USPL1: variants seen among roughly 807,000 people sequenced by gnomAD.
USPL1 encodes SUMO-specific isopeptidase USPL1.
A neutral mutation model predicts 51.5 loss-of-function variants in USPL1; 27 were observed. That is an observed-to-expected ratio of 0.52 (90% CI 0.39 to 0.72). The LOEUF is 0.72. Ranked by LOEUF, USPL1 falls within the 30% of genes least tolerant of loss-of-function variation. The probability of loss-of-function intolerance (pLI) is 0.00; values close to 1 mark genes in which losing one functional copy is unlikely to be tolerated. For synonymous variants in USPL1, 451 were observed against 459.6 expected, an observed-to-expected ratio of 0.98 and a Z score of 0.24; for missense variants, 1,226 against 1,268.0, an observed-to-expected ratio of 0.97 and a Z score of 0.50.
chr13:30,642,552 G>T, intron 5 of USPL1, 76 bp from the exon 6 acceptor site: 1 of 1,539,024 alleles, frequency 6.5e-7, no homozygotes, highest in Non-Finnish European at 8.8e-7. Context: ...AGTAAGAAAA[G>T]ACAATAGTTC....
At chr13:30,644,684 T>C (rs1443433063) in intron 6 of USPL1, among the ~76,000 whole-genome samples, 2 of 152,192 alleles carry the variant, frequency 1.3e-5, no homozygotes, top group African/African-American at 4.8e-5. Flanking sequence ...AGTTTCATCG[T>C]GTTAAAAGCC....
At chr13:30,651,092 GCTCTGTTCTGCATCAT>G (rs1383834421) in intron 7 of USPL1, among the ~76,000 whole-genome samples, 2 of 152,052 alleles carry the variant, frequency 1.3e-5, no homozygotes, top group Non-Finnish European at 2.9e-5. Context: ...CTGCATTATG[GCTCTGTTCTGCATCAT>G]CTCTGTTCTG....
At chr13:30,632,451 T>C (rs1214333730) in intron 4 of USPL1, among the ~76,000 whole-genome samples, 1 of 148,440 alleles carries the variant, frequency 6.7e-6, no homozygotes, top group Admixed American at 6.8e-5. Context: ...CCTCACTCTG[T>C]TGCCCAGGCT....
rs565515146 is a variant in USPL1, at chr13:30,636,367, G to A, written c.869-1377G>A. Among the ~76,000 whole-genome samples, 3 of 151,506 alleles carry A rather than the reference G, an allele frequency of 2.0e-5. No homozygotes were observed. The South Asian group carries it at 6.2e-4, about 31-fold the overall frequency. ...AATGTAAGTTTTTTTTTTTGGCATGGTCAAATAACAAAAATTCTGGTTAAT... is the reference window on the plus strand; with the variant it reads ...AATGTAAGTTTTTTTTTTTGGCATGATCAAATAACAAAAATTCTGGTTAAT... On this transcript the variant is annotated intron_variant, in intron 4 of 8. Transcript: ENST00000255304.
At position 30,657,603 on chromosome 13, in the gene USPL1, C is replaced by T; in HGVS notation, c.1526C>T (p.Ala509Val). 7 of 1,614,196 alleles carry T rather than the reference C, an allele frequency of 4.3e-6. No homozygotes were observed. The highest frequency in any genetic ancestry group is 5.9e-6 in the Non-Finnish European group (7 of 1,180,026). ...RKISQVTDKE[A>V]ACLPLKKTND... ...ATATCCCAAGTGACAGATAAAGAAGCTGCCTGCCTTCCACTTAAAAAGACT... is the reference window on the plus strand; with the variant it reads ...ATATCCCAAGTGACAGATAAAGAAGTTGCCTGCCTTCCACTTAAAAAGACT... Residue 509 changes from alanine (A) to valine (V), a missense_variant, in exon 9 of 9, where the codon GCT becomes GTT. Transcript: ENST00000255304.
chr13:30,629,812 A>G (rs985895300), intron 3 of USPL1, among the ~76,000 whole-genome samples: 3 of 152,156 alleles, frequency 2.0e-5, no homozygotes, highest in Admixed American at 6.5e-5. Context: ...ATGTTCCATC[A>G]AAGCTAGTCA....
In USPL1 at chr13:30,630,820, A is replaced by C. The variant is rs755313544; in HGVS notation, c.229-15A>C. On this transcript the variant is annotated splice_polypyrimidine_tract_variant and intron_variant, in intron 3 of 8. Transcript: ENST00000255304. ...GAATTTGTGTAGTTTTTATCATTTT[A>C]TTTTTACTTTCCAGTGCATCTATCC... 2 of 1,558,720 alleles carry C rather than the reference A, an allele frequency of 1.3e-6. No homozygotes were observed. The highest frequency in any genetic ancestry group is 1.7e-6 in the Non-Finnish European group (2 of 1,156,498).
Position 30,647,204 on chromosome 13 carries a change from C to T in USPL1, c.1238+147C>T, listed in dbSNP as rs1272935233. 30 of 941,564 alleles carry T rather than the reference C, an allele frequency of 3.2e-5. No homozygotes were observed. In the Admixed American group the frequency reaches 6.6e-4, roughly 21 times the overall value. 58.3% of individuals were successfully genotyped at this position (941,564 alleles called of 1,614,324 possible). ...TTTCTGGGTTGCCAGCTGCCTCGCT[C>T]TATCTGGCCAGTGAGCCCACTGTCA... On this transcript the variant is annotated intron_variant, in intron 7 of 8. Transcript: ENST00000255304.
rs181490675 is a variant in USPL1 at position 30,653,267 on chromosome 13, C to G, written c.1358C>G (p.Ala453Gly). 3 of 1,607,998 alleles carry G rather than the reference C, an allele frequency of 1.9e-6. No homozygotes were observed. The highest frequency in any genetic ancestry group is 2.6e-6 in the Non-Finnish European group (3 of 1,175,934). Residue 453 changes from alanine to glycine, a missense_variant, in exon 8 of 9, where the codon GCA becomes GGA. Coordinates refer to ENST00000255304, the MANE Select transcript of USPL1 (RefSeq NM_005800.5). ...YQITSVIQYR[A>G]NNHFITWILD... Reference sequence around the variant, plus strand: ...ATAACTTCTGTAATTCAGTATCGAGCAAATAATCATTTTATAACATGGATT... The same window carrying G: ...ATAACTTCTGTAATTCAGTATCGAGGAAATAATCATTTTATAACATGGATT...
intron 8 of USPL1, among the ~76,000 whole-genome samples, chr13:30,656,256 T>C (rs1020266743): frequency 9.9e-5 from 15 of 152,224 alleles, no homozygotes; most frequent in Admixed American, 9.8e-4. Flanking sequence ...ATTTTAACAT[T>C]TGTAAGTGTA....
At chr13:30,650,669 A>G (rs573243207) in intron 7 of USPL1, among the ~76,000 whole-genome samples, 1 of 151,584 alleles carries the variant, frequency 6.6e-6, no homozygotes, top group East Asian at 2.0e-4. Flanking sequence ...AACAAATGGG[A>G]AAAAATTTGG....
chr13:30,633,775 ACT>A (rs1950838541), intron 4 of USPL1, among the ~76,000 whole-genome samples: 2 of 132,976 alleles, frequency 1.5e-5, no homozygotes, highest in African/African-American at 2.9e-5. Context: ...ATAGAATGAG[ACT>A]CTGTCTCAAA....
In USPL1 at chr13:30,642,541, T is replaced by C; in HGVS notation, c.983-87T>C. The C allele has an allele frequency of 2.7e-6, 4 of 1,488,404 alleles. No homozygotes were observed. In the South Asian group the frequency reaches 3.9e-5, roughly 14 times the overall value. The allele number at this position is 1,488,404 out of a possible 1,614,324, so 92.2% of individuals were successfully genotyped here. A position where few individuals can be genotyped will look rare whatever the true frequency, so the allele number is the denominator to read the frequency against. On this transcript the variant is annotated intron_variant, in intron 5 of 8. Transcript: ENST00000255304. ...TTAACACATATTCATGCTGTAAATA[T>C]AGTAAGAAAAGACAATAGTTCACAA...
intron 4 of USPL1, among the ~76,000 whole-genome samples, chr13:30,636,639 A>G (rs528234435): frequency 1.3e-5 from 2 of 152,388 alleles, no homozygotes; most frequent in East Asian, 3.8e-4. Flanking sequence ...AGAAGTGATC[A>G]AAAACATAGA....
At chr13:30,653,370 C>A in intron 8 of USPL1, 65 bp downstream of exon 8, 2 of 1,434,562 alleles carry the variant, frequency 1.4e-6, no homozygotes. Context: ...CATGTGGGGA[C>A]TTTTTGGTTT....
chr13:30,637,178 A>G (rs1045430292), intron 4 of USPL1, among the ~76,000 whole-genome samples: 1 of 152,320 alleles, frequency 6.6e-6, no homozygotes, highest in East Asian at 1.9e-4. Context: ...TTTTTAATGA[A>G]GCACATTTGT....
intron 3 of USPL1, among the ~76,000 whole-genome samples, chr13:30,626,048 T>G (rs952393671): frequency 1.2e-4 from 18 of 152,114 alleles, no homozygotes; most frequent in African/African-American, 4.3e-4. Flanking sequence ...GGTGCAGTGT[T>G]TCACACCTGT....
At chr13:30,637,346 A>G (rs1244035563) in intron 4 of USPL1, among the ~76,000 whole-genome samples, 1 of 152,222 alleles carries the variant, frequency 6.6e-6, no homozygotes, top group Non-Finnish European at 1.5e-5. Context: ...TGTTCCTATG[A>G]CCTGGCTAAG....
At chr13:30,625,160 A>G (rs114326839) in intron 3 of USPL1, among the ~76,000 whole-genome samples, 2,018 of 152,276 alleles carry the variant, frequency 0.013, 44 homozygotes, top group African/African-American at 0.046. Flanking sequence ...GTGTTGAGGC[A>G]TGGTTGGAGT....
Sources: allele counts gnomAD v4.1 joint callset (sites outside exome capture counted in the v4.1 genomes callset), GRCh38; gene constraint gnomAD v4.1.1; transcripts MANE v1.5; gene names NCBI Gene and HGNC (gene_info 2026-07-23, HGNC 2026-07-21).